PRRX2: variants seen among roughly 807,000 people sequenced by gnomAD.
PRRX2 encodes the protein paired mesoderm homeobox protein 2.
In PRRX2, 11 loss-of-function variants were observed where a neutral mutation model predicts 18.0. That is an observed-to-expected ratio of 0.61 (90% CI 0.39 to 1.01). PRRX2 has a LOEUF of 1.01. Among genes scored for constraint, PRRX2 ranks in the 50% least tolerant of loss-of-function variants. The pLI is 0.01. For missense variants in PRRX2, 387 were observed against 351.0 expected, an observed-to-expected ratio of 1.10 and a Z score of -0.82; for synonymous variants, 177 against 154.8, an observed-to-expected ratio of 1.14 and a Z score of -1.06.
intron 1 of PRRX2, among the ~76,000 whole-genome samples, chr9:129,706,001 C>T (rs1832552882): frequency 6.6e-6 from 1 of 152,118 alleles, no homozygotes. Context: ...ACCTCACTAC[C>T]TGTGGCACCC....
At chr9:129,721,606 G>T (rs1169714631) in intron 3 of PRRX2, among the ~76,000 whole-genome samples, 2 of 151,832 alleles carry the variant, frequency 1.3e-5, no homozygotes, top group Non-Finnish European at 2.9e-5. Context: ...TTGAGACAGA[G>T]TCTCGCTCTG....
chr9:129,708,434 G>T (rs114031551), intron 1 of PRRX2, among the ~76,000 whole-genome samples: 4 of 152,280 alleles, frequency 2.6e-5, no homozygotes, highest in African/African-American at 9.6e-5. Flanking sequence ...GATTTTGAGC[G>T]TCTTTCTGCC....
At chr9:129,721,352 C>CT (rs1211356569) in intron 3 of PRRX2, among the ~76,000 whole-genome samples, 1 of 152,116 alleles carries the variant, frequency 6.6e-6, no homozygotes, top group African/African-American at 2.4e-5. Flanking sequence ...TGGAAAGACT[C>CT]TGACATGGTC....
chr9:129,690,464 T>C (rs530468556), intron 1 of PRRX2, among the ~76,000 whole-genome samples: 3 of 151,414 alleles, frequency 2.0e-5, no homozygotes, highest in East Asian at 2.0e-4. Context: ...CTGCTAGTCC[T>C]TGGACAGACA....
At chr9:129,682,659 C>T (rs550242077) in intron 1 of PRRX2, among the ~76,000 whole-genome samples, 4 of 152,292 alleles carry the variant, frequency 2.6e-5, no homozygotes, top group Admixed American at 6.5e-5. Flanking sequence ...CGCCCAATCC[C>T]GGAAACAGCT....
chr9:129,699,019 A>G (rs1832463784), intron 1 of PRRX2, among the ~76,000 whole-genome samples: 1 of 152,214 alleles, frequency 6.6e-6, no homozygotes, highest in African/African-American at 2.4e-5. Context: ...TCCCCACAGG[A>G]AGGCCGCTGT....
At chr9:129,666,567 G>GCCCC (rs563976736) in intron 1 of PRRX2, among the ~76,000 whole-genome samples, 31 of 95,962 alleles carry the variant, frequency 3.2e-4, no homozygotes, top group African/African-American at 1.3e-3. Flanking sequence ...GAGGGTGCCT[G>GCCCC]CCCACCCCCC....
At chr9:129,705,566 A>G (rs937099453) in intron 1 of PRRX2, among the ~76,000 whole-genome samples, 4 of 151,566 alleles carry the variant, frequency 2.6e-5, no homozygotes, top group African/African-American at 7.3e-5. Flanking sequence ...TGTTGGCCAG[A>G]CTGGTCTTGA....
intron 1 of PRRX2, among the ~76,000 whole-genome samples, chr9:129,713,674 A>C (rs1449333054): frequency 6.6e-6 from 1 of 150,576 alleles, no homozygotes; most frequent in Non-Finnish European, 1.5e-5. Flanking sequence ...CTTGTTGCCC[A>C]GACTGGAGTG....
At chr9:129,708,194 C>T (rs935873859) in intron 1 of PRRX2, among the ~76,000 whole-genome samples, 53 of 152,254 alleles carry the variant, frequency 3.5e-4, no homozygotes, top group African/African-American at 1.3e-3. Flanking sequence ...TGCCACCACG[C>T]CTGGCTAATT....
intron 3 of PRRX2, among the ~76,000 whole-genome samples, chr9:129,721,514 G>A (rs570115390): frequency 6.6e-4 from 101 of 152,062 alleles, no homozygotes; most frequent in Non-Finnish European, 1.2e-3. Context: ...AGTCCTCACC[G>A]CCCTCCTAAC....
Position 129,683,361 on chromosome 9 carries a change from C to T in PRRX2, c.259+17235C>T, listed in dbSNP as rs539564373. ...AGGCTCCTTCCTGCAGCACATATTT[C>T]TTGAGAGCCCCTGCTCTGTGCAGGT... is the stretch of plus-strand genomic sequence containing the variant. On this transcript the variant is annotated intron_variant, in intron 1 of 3. Coordinates refer to ENST00000372469, the MANE Select transcript of PRRX2 (RefSeq NM_016307.4). 1.2e-4 allele frequency among the ~76,000 whole-genome samples: 19 copies of T among 152,330 alleles called. 1 individual carries two copies. The highest frequency in any genetic ancestry group is 4.3e-4 in the African/African-American group (18 of 41,572).
chr9:129,681,155 C>T (rs1252749804), intron 1 of PRRX2, among the ~76,000 whole-genome samples: 1 of 152,180 alleles, frequency 6.6e-6, no homozygotes, highest in African/African-American at 2.4e-5. Context: ...GCATTGGCAT[C>T]CCTGGGAGAG....
intron 1 of PRRX2, among the ~76,000 whole-genome samples, chr9:129,679,555 C>T (rs779335428): frequency 2.0e-5 from 3 of 152,192 alleles, no homozygotes; most frequent in African/African-American, 7.2e-5. Context: ...ACAGTAAGTA[C>T]GTGGGGGCAC....
chr9:129,711,559 CCACA>C, intron 1 of PRRX2, among the ~76,000 whole-genome samples: 1 of 152,010 alleles, frequency 6.6e-6, no homozygotes, highest in Non-Finnish European at 1.5e-5. Context: ...GTGCACACCA[CCACA>C]CCCAGTTAAT....
chr9:129,667,426 C>T (rs763479094), intron 1 of PRRX2, among the ~76,000 whole-genome samples: 3 of 152,218 alleles, frequency 2.0e-5, no homozygotes, highest in African/African-American at 2.4e-5. Flanking sequence ...GGCTCTGAGC[C>T]GGTCCCCCAA....
At chr9:129,708,734 C>T (rs1189534298) in intron 1 of PRRX2, among the ~76,000 whole-genome samples, 1 of 152,224 alleles carries the variant, frequency 6.6e-6, no homozygotes, top group Non-Finnish European at 1.5e-5. Context: ...CAGCCATCGT[C>T]TGGCCCTTTT....
chr9:129,678,594 G>T (rs2119059068), intron 1 of PRRX2, among the ~76,000 whole-genome samples: 1 of 152,296 alleles, frequency 6.6e-6, no homozygotes, highest in East Asian at 1.9e-4. Flanking sequence ...CACGCCGGGT[G>T]GAGGAAACAG....
rs1832102470 is a variant in PRRX2, at chr9:129,671,665, G to A, written c.259+5539G>A. ...CGAGCCCTGAGTGGGTGAGGGTTCT[G>A]GGTACCATGCCTAGTCCACAGTAAA... On this transcript the variant is annotated intron_variant, in intron 1 of 3. Transcript: ENST00000372469. The surrounding 1 kb of genome is among the most constrained non-coding windows in gnomAD (Gnocchi z 4.0). 6.6e-6 allele frequency among the ~76,000 whole-genome samples: 1 copy of A among 152,236 alleles called. No individual in the cohort carries two copies.
Sources: allele counts gnomAD v4.1 joint callset (sites outside exome capture counted in the v4.1 genomes callset), GRCh38; gene constraint gnomAD v4.1.1; non-coding constraint Gnocchi (gnomAD v3.1); transcripts MANE v1.5; gene names NCBI Gene and HGNC (gene_info 2026-07-23, HGNC 2026-07-21).